MEGF10: variants seen among roughly 807,000 people sequenced by gnomAD.
MEGF10 encodes the protein multiple epidermal growth factor-like domains protein 10.
MEGF10 carries 86 observed loss-of-function variants against 147.5 expected under a neutral mutation model. The ratio of observed to expected loss-of-function variants is 0.58; its 90% CI spans 0.49 to 0.70. The LOEUF (loss-of-function observed/expected upper bound fraction) is 0.70, where lower values mean the gene tolerates loss of function less well. Among genes scored for constraint, MEGF10 ranks in the 30% least tolerant of loss-of-function variants. The probability of loss-of-function intolerance (pLI) is 0.00; values close to 1 mark genes in which losing one functional copy is unlikely to be tolerated. For missense variants in MEGF10, 1,329 were observed against 1,487.3 expected (o/e 0.89, Z 1.75); for synonymous variants, 478 against 525.5 (o/e 0.91, Z 1.24).
chr5:127,424,293 A>G, intron 13 of MEGF10: 1 of 702,550 alleles, frequency 1.4e-6, no homozygotes, highest in South Asian at 1.5e-5. Context: ...AGGAAGCATT[A>G]AAACTGAGAA....
At chr5:127,237,266 G>A in the MEGF10 span, among the ~76,000 whole-genome samples, 1 of 152,216 alleles carries the variant, frequency 6.6e-6, no homozygotes, top group African/African-American at 2.4e-5. Flanking sequence ...AGGCCAAGGT[G>A]GGTAGATCAC....
the MEGF10 span, among the ~76,000 whole-genome samples, chr5:127,280,232 C>T: frequency 6.6e-6 from 1 of 152,086 alleles, no homozygotes; most frequent in African/African-American, 2.4e-5. Context: ...TAAATCATAA[C>T]ATTTGCACTG....
At chr5:127,366,215 T>A (rs113997043) in intron 4 of MEGF10, among the ~76,000 whole-genome samples, 24 of 152,284 alleles carry the variant, frequency 1.6e-4, no homozygotes, top group Non-Finnish European at 2.9e-4. Flanking sequence ...TGCACCTTGG[T>A]GAGTTGGGAC....
intron 20 of MEGF10, 146 bp from the exon 21 acceptor site, chr5:127,447,411 T>C: frequency 1.0e-6 from 1 of 961,156 alleles, no homozygotes; most frequent in Non-Finnish European, 1.6e-6. Flanking sequence ...TCTCCTGACC[T>C]CGTCATCTGC....
chr5:127,395,799 C>T (rs1446304764), intron 5 of MEGF10, among the ~76,000 whole-genome samples: 1 of 152,096 alleles, frequency 6.6e-6, no homozygotes, highest in Non-Finnish European at 1.5e-5. Flanking sequence ...CCGTCTCGGC[C>T]TCCCAAAGTG....
At chr5:127,334,537 T>A (rs2126789862) in intron 2 of MEGF10, among the ~76,000 whole-genome samples, 1 of 152,290 alleles carries the variant, frequency 6.6e-6, no homozygotes, top group East Asian at 1.9e-4. Flanking sequence ...ATGTGCCTTG[T>A]TTTAATGCAG....
At chr5:127,371,190 ACTGTGTGTGTGTGTGT>A (rs1561600756) in intron 5 of MEGF10, among the ~76,000 whole-genome samples, 1 of 93,644 alleles carries the variant, frequency 1.1e-5, no homozygotes, top group East Asian at 3.1e-4. Flanking sequence ...AGGGACTGGG[ACTGTGTGTGTGTGTGT>A]GTGTGTGTGT....
chr5:127,385,190 AT>A (rs1390391772), intron 5 of MEGF10, among the ~76,000 whole-genome samples: 1 of 152,190 alleles, frequency 6.6e-6, no homozygotes, highest in Non-Finnish European at 1.5e-5. Context: ...ATAGTCATGG[AT>A]TTTCCTATGT....
intron 4 of MEGF10, among the ~76,000 whole-genome samples, chr5:127,366,718 T>C (rs1762669388): frequency 1.3e-5 from 2 of 152,226 alleles, no homozygotes; most frequent in African/African-American, 2.4e-5. Flanking sequence ...AAAAAATTAT[T>C]ACAATTGACT....
At chr5:127,388,006 A>G (rs776807919) in intron 5 of MEGF10, among the ~76,000 whole-genome samples, 3 of 152,140 alleles carry the variant, frequency 2.0e-5, no homozygotes, top group Non-Finnish European at 2.9e-5. Context: ...AATCACTCTC[A>G]TTTATTCACC....
intron 5 of MEGF10, among the ~76,000 whole-genome samples, chr5:127,391,098 G>GCACACACACACACA (rs1158697334): frequency 4.7e-4 from 14 of 29,728 alleles, no homozygotes; most frequent in African/African-American, 9.8e-4. Context: ...GCGCGCGCGC[G>GCACACACACACACA]CGCGCACACA....
At chr5:127,421,556 T>G (rs530919718) in intron 12 of MEGF10, among the ~76,000 whole-genome samples, 1 of 152,210 alleles carries the variant, frequency 6.6e-6, no homozygotes, top group Non-Finnish European at 1.5e-5. Context: ...AAAACAATCA[T>G]GTCTATGAGG....
intron 9 of MEGF10, 86 bp from the exon 10 acceptor site, chr5:127,417,552 T>C (rs1764822900): frequency 7.8e-7 from 1 of 1,281,382 alleles, no homozygotes; most frequent in African/African-American, 1.5e-5. Flanking sequence ...ACACATTTAG[T>C]GATCATTGCT....
rs114978974 is a variant in MEGF10, at chr5:127,450,594, G to A, written c.2980+1372G>A. ...TTGGAGGTAGGTGCCAGAAATCCCA[G>A]TTAAATTTGAATTTCAGATAGATAA... On this transcript the variant is annotated intron_variant, in intron 22 of 24. Transcript: ENST00000503335. Among the ~76,000 whole-genome samples the A allele has an allele frequency of 5.1e-3, 780 of 152,098 alleles. 7 individuals carry two copies. The highest frequency in any genetic ancestry group is 0.017 in the African/African-American group (720 of 41,484).
At chr5:127,400,867 T>A (rs1295555622) in intron 7 of MEGF10, among the ~76,000 whole-genome samples, 1 of 152,194 alleles carries the variant, frequency 6.6e-6, no homozygotes, top group East Asian at 1.9e-4. Context: ...TTCAGTTTGT[T>A]TTTTTCTCCT....
intron 4 of MEGF10, among the ~76,000 whole-genome samples, chr5:127,343,508 C>T (rs1468389536): frequency 3.9e-5 from 6 of 152,106 alleles, no homozygotes; most frequent in Admixed American, 2.6e-4. Flanking sequence ...ACCTGACCGG[C>T]TGTCTTCGTT....
the MEGF10 span, among the ~76,000 whole-genome samples, chr5:127,285,401 G>T: frequency 1.7e-3 from 264 of 152,182 alleles, 3 homozygotes; most frequent in East Asian, 0.016. Context: ...AAGATGTCAA[G>T]ATTAATAGCA....
At chr5:127,438,722 G>A (rs1006666606) in intron 17 of MEGF10, among the ~76,000 whole-genome samples, 155 bp downstream of exon 17, 1 of 152,164 alleles carries the variant, frequency 6.6e-6, no homozygotes, top group Non-Finnish European at 1.5e-5. Context: ...ATTTCTCTAA[G>A]TGATTAAGAG....
At chr5:127,421,055 T>C (rs1353493239) in intron 12 of MEGF10, among the ~76,000 whole-genome samples, 4 of 152,166 alleles carry the variant, frequency 2.6e-5, no homozygotes, top group African/African-American at 9.7e-5. Flanking sequence ...ATAGAAAGGA[T>C]CCCACTCATG....
Sources: gnomAD v4.1 joint callset for allele counts (sites outside exome capture counted in the v4.1 genomes callset) on GRCh38, gnomAD v4.1.1 for gene constraint, MANE v1.5 for transcripts, NCBI Gene and HGNC (gene_info 2026-07-23, HGNC 2026-07-21) for gene names.